EWSR1: variants seen among roughly 807,000 people sequenced by gnomAD.
The protein encoded by EWSR1 is EWS RNA binding protein 1.
A neutral mutation model predicts 92.1 loss-of-function variants in EWSR1; 14 were observed. The observed-to-expected ratio is 0.15, with a 90% CI of 0.10 to 0.24. The LOEUF (loss-of-function observed/expected upper bound fraction) is 0.24, where lower values mean the gene tolerates loss of function less well. Ranked by LOEUF, EWSR1 falls within the 10% of genes least tolerant of loss-of-function variation. The probability of loss-of-function intolerance (pLI) is 1.00; values close to 1 mark genes in which losing one functional copy is unlikely to be tolerated. For missense variants in EWSR1, 637 were observed against 870.9 expected, an observed-to-expected ratio of 0.73 and a Z score of 3.38; for synonymous variants, 303 against 292.9, an observed-to-expected ratio of 1.03 and a Z score of -0.35.
rs1415452972 is a variant in EWSR1, at chr22:29,274,134, G to T, written c.226+270G>T. 3.9e-6 allele frequency: 4 copies of T among 1,034,904 alleles called. No homozygotes were observed. The African/African-American group carries it at 6.4e-5, about 17-fold the overall frequency. 64.1% of individuals were successfully genotyped at this position (1,034,904 alleles called of 1,614,324 possible). On this transcript the variant is annotated intron_variant, in intron 4 of 16. Transcript: ENST00000397938. ...ACGATGAAATGGAGACTATGTAAAA[G>T]ATTTTGCTAATGCTAATACTGAGTA...
intron 5 of EWSR1, among the ~76,000 whole-genome samples, chr22:29,278,652 G>A (rs1180236309): frequency 6.6e-6 from 1 of 152,090 alleles, no homozygotes; most frequent in Non-Finnish European, 1.5e-5. Context: ...GTGAAACCCC[G>A]GCTCTGCTGA....
In EWSR1 at chr22:29,299,287, C is replaced by G; in HGVS notation, c.1634C>G (p.Ala545Gly). Reference sequence around the variant, plus strand: ...AGAACAGAGTGCAACCAGTGTAAGGCCCCAAAGCCTGAAGGCTTCCTCCCG... The same window carrying G: ...AGAACAGAGTGCAACCAGTGTAAGGGCCCAAAGCCTGAAGGCTTCCTCCCG... ...AWRTECNQCK[A>G]PKPEGFLPPP... Residue 545 changes from alanine (A) to glycine (G), a missense_variant, in exon 15 of 17, where the codon GCC (alanine) becomes GGC (glycine). By Grantham distance (60) the Ala-to-Gly change is moderately conservative. Around this residue, in one of 5 missense-constraint regions of EWSR1, gnomAD observed 363 missense variants for 447.8 expected, o/e 0.81. Transcript: ENST00000397938. 1.2e-6 allele frequency: 2 copies of G among 1,614,022 alleles called. No homozygotes were observed. The highest frequency in any genetic ancestry group is 2.2e-5 in the South Asian group (2 of 91,072).
chr22:29,294,891 G>A (rs997081686), intron 11 of EWSR1, among the ~76,000 whole-genome samples: 9 of 150,804 alleles, frequency 6.0e-5, no homozygotes, highest in East Asian at 2.0e-4. Flanking sequence ...CCAGCCTGGC[G>A]ACAGAGCAAG....
At chr22:29,283,689 C>CA (rs1328561291) in intron 6 of EWSR1, among the ~76,000 whole-genome samples, 1 of 119,144 alleles carries the variant, frequency 8.4e-6, no homozygotes, top group African/African-American at 3.2e-5. Flanking sequence ...CCACACCTGG[C>CA]AAAAATTTTT....
chr22:29,279,662 A>G (rs1241561071), intron 5 of EWSR1, among the ~76,000 whole-genome samples: 2 of 152,256 alleles, frequency 1.3e-5, no homozygotes, highest in Middle Eastern at 3.2e-3. Flanking sequence ...ACCTAGATAT[A>G]TCTGCTCTAG....
At chr22:29,275,852 A>C (rs545203695) in intron 4 of EWSR1, 7 of 231,916 alleles carry the variant, frequency 3.0e-5, no homozygotes, top group African/African-American at 1.5e-4. Flanking sequence ...AATATTTCTT[A>C]CCACCTTTTT....
At chr22:29,296,512 A>C (rs1602554730) in intron 12 of EWSR1, 144 bp downstream of exon 12, 6 of 816,772 alleles carry the variant, frequency 7.3e-6, no homozygotes, top group East Asian at 2.6e-5. Context: ...TAGTAGTAGC[A>C]CCCAGCCATT....
chr22:29,298,640 G>C (rs1327953494), intron 13 of EWSR1, 93 bp from the exon 14 acceptor site: 12 of 1,463,264 alleles, frequency 8.2e-6, no homozygotes, highest in Non-Finnish European at 1.1e-5. Context: ...GACAGCAGTA[G>C]TATCTGTGGG....
At chr22:29,295,953 G>A (rs777611327) in intron 11 of EWSR1, 2 of 369,932 alleles carry the variant, frequency 5.4e-6, no homozygotes, top group Non-Finnish European at 1.0e-5. Context: ...ACCTGTCTGG[G>A]CATAGAAAAT....
At chr22:29,298,553 C>T (rs2061063204) in intron 13 of EWSR1, among the ~76,000 whole-genome samples, 180 bp from the exon 14 acceptor site, 2 of 151,414 alleles carry the variant, frequency 1.3e-5, no homozygotes, top group South Asian at 2.1e-4. Context: ...CTGTAGAGCA[C>T]GTGGAACACG....
chr22:29,291,595 T>C lies in EWSR1; in HGVS notation c.1008T>C (p.Pro336=). 3 of 1,613,634 alleles carry C rather than the reference T, an allele frequency of 1.9e-6. 1 individual carries two copies. The South Asian group carries it at 3.3e-5, about 18-fold the overall frequency. The part of the protein sequence containing the change: ...SAGERGGFNK[P]GGPMDEGPDL... ...GAGAGCGAGGTGGCTTCAATAAGCC[T>C]GGTGGTAAGTTTTTGAGTATTACCA... The change falls in exon 9 of 17, where the codon CCT becomes CCC. Residue 336 remains proline (P), a synonymous_variant. Coordinates refer to ENST00000397938, the MANE Select transcript of EWSR1 (RefSeq NM_005243.4).
At chr22:29,298,029 G>A in intron 13 of EWSR1, 80 bp downstream of exon 13, 1 of 1,447,622 alleles carries the variant, frequency 6.9e-7, no homozygotes, top group Non-Finnish European at 9.4e-7. Context: ...TTATTAGAGT[G>A]AAGAAATATA....
At chr22:29,295,444 A>C (rs2060780203) in intron 11 of EWSR1, 2 of 209,936 alleles carry the variant, frequency 9.5e-6, no homozygotes, top group Middle Eastern at 1.5e-3. Flanking sequence ...CCTGGACAAC[A>C]GAGTGAGACT....
At chr22:29,285,480 A>G (rs1334736368) in intron 6 of EWSR1, among the ~76,000 whole-genome samples, 1 of 151,240 alleles carries the variant, frequency 6.6e-6, no homozygotes, top group Non-Finnish European at 1.5e-5. Context: ...AATTTCTCCC[A>G]TGTAATTGAC....
Position 29,282,386 on chromosome 22 carries a change from T to G in EWSR1, c.414-4T>G. On this transcript the variant is annotated splice_polypyrimidine_tract_variant and splice_region_variant and intron_variant, in intron 5 of 16. Transcript: ENST00000397938. ...TTAATTTTATTTATTATTTCTCCTC[T>G]TAGACCGCAGGATGGAAACAAGCCC... 1 of 1,567,902 alleles carries G rather than the reference T, an allele frequency of 6.4e-7. No individual in the cohort carries two copies. The highest frequency in any genetic ancestry group is 8.6e-7 in the Non-Finnish European group (1 of 1,162,750).
intron 11 of EWSR1, among the ~76,000 whole-genome samples, chr22:29,294,135 A>G (rs2147638368): frequency 6.6e-6 from 1 of 151,964 alleles, no homozygotes; most frequent in African/African-American, 2.4e-5. Context: ...AAGTGCTGTG[A>G]TTACAGGTGT....
At chr22:29,286,551 G>A (rs1423960017) in intron 6 of EWSR1, among the ~76,000 whole-genome samples, 1 of 151,830 alleles carries the variant, frequency 6.6e-6, no homozygotes, top group East Asian at 1.9e-4. Context: ...GCCAGGCGTG[G>A]TGGTGGGCAC....
chr22:29,272,755 T>G (rs1293452092), intron 3 of EWSR1, among the ~76,000 whole-genome samples: 1 of 152,222 alleles, frequency 6.6e-6, no homozygotes, highest in Non-Finnish European at 1.5e-5. Context: ...AGGAAGAGGA[T>G]GATATGACCA....
intron 6 of EWSR1, among the ~76,000 whole-genome samples, chr22:29,284,962 G>A (rs2059909004): frequency 6.6e-6 from 1 of 151,044 alleles, no homozygotes; most frequent in African/African-American, 2.5e-5. Flanking sequence ...TGGCATTATA[G>A]GCATGTGCCA....
Sources: allele counts gnomAD v4.1 joint callset (sites outside exome capture counted in the v4.1 genomes callset), GRCh38; gene constraint gnomAD v4.1.1; regional missense constraint gnomAD v4.1.1; transcripts MANE v1.5; gene names NCBI Gene and HGNC (gene_info 2026-07-23, HGNC 2026-07-21).